LYN: variants seen among roughly 807,000 people sequenced by gnomAD.
LYN encodes LYN proto-oncogene, Src family tyrosine kinase.
In LYN, 12 loss-of-function variants were observed where a neutral mutation model predicts 65.0. The ratio of observed to expected loss-of-function variants is 0.18; its 90% confidence interval spans 0.12 to 0.30. The LOEUF is 0.30. Among genes scored for constraint, LYN ranks in the 10% least tolerant of loss-of-function variants. LYN has a pLI of 1.00. For synonymous variants in LYN, 222 were observed against 221.2 expected (o/e 1.00, Z -0.03); for missense variants, 380 against 623.2 (o/e 0.61, Z 4.16).
intron 1 of LYN, among the ~76,000 whole-genome samples, chr8:55,880,348 A>C (rs1047688952): frequency 4.6e-5 from 7 of 151,698 alleles, no homozygotes; most frequent in African/African-American, 1.5e-4. Context: ...GAGGCTCCGC[A>C]GGTGTCCGCC....
chr8:56,011,579 T>C lies in LYN; in HGVS notation c.*1469T>C, dbSNP rs570855600. ...GCCTGAACACCTGAACATCCGTTTA[T>C]GGGGGCCAGATAGAATTTGTTTTCA... On this transcript the variant is annotated 3_prime_UTR_variant, in exon 13 of 13. Transcript: ENST00000519728. 5.4e-4 allele frequency: 103 copies of C among 190,238 alleles called. No homozygotes were observed. The highest frequency in any genetic ancestry group is 9.4e-4 in the Non-Finnish European group (85 of 90,824). The allele number at this position is 190,238 out of a possible 1,614,324, so 11.8% of individuals were successfully genotyped here.
intron 10 of LYN, among the ~76,000 whole-genome samples, chr8:55,976,865 AG>A (rs1157530520): frequency 6.6e-6 from 1 of 152,110 alleles, no homozygotes; most frequent in African/African-American, 2.4e-5. Flanking sequence ...AGAACAGCTT[AG>A]GGGGCACTCT....
rs535025234 is a variant in LYN, at chr8:55,983,011, C to T, written c.1050+13218C>T. ...CTCATTGCCCCTCCCCCATGTCACA[C>T]GCACCTGGTAAAATGCCAGCCCTAT... On this transcript the variant is annotated intron_variant, in intron 10 of 12. Coordinates refer to ENST00000519728, the MANE Select transcript of LYN (RefSeq NM_002350.4). Among the ~76,000 whole-genome samples, 24 of 152,200 alleles carry T rather than the reference C, an allele frequency of 1.6e-4. No individual in the cohort carries two copies. The South Asian group carries it at 2.5e-3, about 16-fold the overall frequency.
chr8:55,936,493 A>G (rs1806440381), intron 1 of LYN, among the ~76,000 whole-genome samples: 1 of 152,208 alleles, frequency 6.6e-6, no homozygotes, highest in African/African-American at 2.4e-5. Context: ...CACAAAAGTT[A>G]GCCAGGTGTG....
At chr8:55,980,081 T>A (rs943132820) in intron 10 of LYN, among the ~76,000 whole-genome samples, 1 of 152,032 alleles carries the variant, frequency 6.6e-6, no homozygotes, top group African/African-American at 2.4e-5. Context: ...CCACACAGGG[T>A]CCCCCTGAGC....
rs1234539348 is a variant in LYN, at chr8:56,014,109, G to A, written c.*3999G>A. 1 of 152,214 alleles carries A rather than the reference G, an allele frequency of 6.6e-6. No individual in the cohort carries two copies. The highest frequency in any genetic ancestry group is 1.5e-5 in the Non-Finnish European group (1 of 68,048). 9.4% of individuals were successfully genotyped at this position (152,214 alleles called of 1,614,324 possible). ...GAGATCGGGAGCATTTAAAGCCACAGAAGGAATAGATTGGCTTCGCTTCAT... is the reference window on the plus strand; with the variant it reads ...GAGATCGGGAGCATTTAAAGCCACAAAAGGAATAGATTGGCTTCGCTTCAT... On this transcript the variant is annotated 3_prime_UTR_variant, in exon 13 of 13. Transcript: ENST00000519728.
intron 12 of LYN, among the ~76,000 whole-genome samples, chr8:56,007,024 T>TTTA (rs1387038422): frequency 1.3e-5 from 2 of 152,126 alleles, no homozygotes; most frequent in African/African-American, 4.8e-5. Flanking sequence ...TTTACCAGCA[T>TTTA]CATCGAGAGT....
intron 10 of LYN, among the ~76,000 whole-genome samples, chr8:55,989,450 G>T (rs1808182967): frequency 6.6e-6 from 1 of 152,198 alleles, no homozygotes; most frequent in African/African-American, 2.4e-5. Flanking sequence ...GGGTGTGTTT[G>T]ATGACACAAA....
At chr8:55,906,043 T>C (rs1486106952) in intron 1 of LYN, among the ~76,000 whole-genome samples, 1 of 152,214 alleles carries the variant, frequency 6.6e-6, no homozygotes, top group African/African-American at 2.4e-5. Context: ...TCTTTTTCCA[T>C]ACAGTAGTTC....
intron 8 of LYN, among the ~76,000 whole-genome samples, chr8:55,956,661 A>C (rs1334821390): frequency 6.6e-6 from 1 of 152,188 alleles, no homozygotes; most frequent in Non-Finnish European, 1.5e-5. Context: ...TCACTTCTCT[A>C]TAAAGCTCCA....
intron 8 of LYN, among the ~76,000 whole-genome samples, chr8:55,961,994 A>C (rs1807295334): frequency 6.6e-6 from 1 of 151,722 alleles, no homozygotes; most frequent in Admixed American, 6.6e-5. Context: ...GCATCCCCCC[A>C]AAATATAGCT....
At chr8:55,923,564 G>A (rs114077690) in intron 1 of LYN, among the ~76,000 whole-genome samples, 4,683 of 151,984 alleles carry the variant, frequency 0.031, 212 homozygotes, top group East Asian at 0.12. Context: ...TTTTGAGACA[G>A]GGTCTTGCTC....
At chr8:56,002,550 C>G (rs752973616) in intron 12 of LYN, among the ~76,000 whole-genome samples, 1 of 151,098 alleles carries the variant, frequency 6.6e-6, no homozygotes, top group Non-Finnish European at 1.5e-5. Flanking sequence ...TGCAGTGAGC[C>G]AAGATTGCAC....
chr8:55,928,247 G>T (rs1370640855), intron 1 of LYN, among the ~76,000 whole-genome samples: 5 of 152,206 alleles, frequency 3.3e-5, no homozygotes, highest in Non-Finnish European at 7.3e-5. Flanking sequence ...CTGAGTTCAA[G>T]TGATTCTCAT....
intron 1 of LYN, among the ~76,000 whole-genome samples, chr8:55,905,801 A>C (rs1318858937): frequency 2.6e-5 from 4 of 152,120 alleles, no homozygotes; most frequent in Non-Finnish European, 5.9e-5. Context: ...ATGTGAGTGC[A>C]TGAAGTCCCT....
intron 1 of LYN, among the ~76,000 whole-genome samples, chr8:55,898,945 C>G (rs1339422987): frequency 6.6e-6 from 1 of 152,146 alleles, no homozygotes; most frequent in Non-Finnish European, 1.5e-5. Context: ...CTGCCTCAGC[C>G]TCCTGTGTAG....
intron 10 of LYN, among the ~76,000 whole-genome samples, chr8:55,982,793 A>G (rs866691012): frequency 3.7e-4 from 56 of 152,132 alleles, no homozygotes; most frequent in Middle Eastern, 6.8e-3. Flanking sequence ...AGGCTGACCA[A>G]TTCTGCTGCT....
chr8:55,896,112 A>G (rs753817874), intron 1 of LYN, among the ~76,000 whole-genome samples: 5 of 152,092 alleles, frequency 3.3e-5, no homozygotes, highest in Non-Finnish European at 5.9e-5. Flanking sequence ...TAAAAAAAAA[A>G]AACAAGTTTT....
intron 3 of LYN, among the ~76,000 whole-genome samples, chr8:55,946,970 G>A (rs978852432): frequency 2.6e-5 from 4 of 152,340 alleles, no homozygotes; most frequent in East Asian, 1.9e-4. Flanking sequence ...TGCCCTGGCC[G>A]GGTGCAGTGG....
Sources: allele counts gnomAD v4.1 joint callset (sites outside exome capture counted in the v4.1 genomes callset), GRCh38; gene constraint gnomAD v4.1.1; transcripts MANE v1.5; gene names NCBI Gene and HGNC (gene_info 2026-07-23, HGNC 2026-07-21).